Variants in EYS observed in about 807,000 individuals in gnomAD.
EYS encodes protein eyes shut homolog.
EYS carries 250 observed loss-of-function variants against 282.1 expected under a neutral mutation model. The observed-to-expected ratio is 0.89, with a 90% CI of 0.80 to 0.98. EYS has a LOEUF of 0.98. EYS is among the 50% of genes least tolerant of loss of function. The probability of loss-of-function intolerance (pLI) is 0.00; values close to 1 mark genes in which losing one functional copy is unlikely to be tolerated. For missense variants in EYS, 4,016 were observed against 3,709.0 expected (o/e 1.08, Z -2.15); for synonymous variants, 1,355 against 1,282.9 (o/e 1.06, Z -1.20).
chr6:65,164,012 T>C (rs1561998775), intron 12 of EYS, among the ~76,000 whole-genome samples: 1 of 151,226 alleles, frequency 6.6e-6, no homozygotes, highest in East Asian at 2.0e-4. Context: ...CCCATATTAT[T>C]ATAATACAGA....
At chr6:65,301,809 G>A (rs555077089) in intron 11 of EYS, among the ~76,000 whole-genome samples, 128 of 152,288 alleles carry the variant, frequency 8.4e-4, no homozygotes, top group African/African-American at 2.9e-3. Flanking sequence ...ATTCCTGTGG[G>A]GAAGGCCTAT....
intron 31 of EYS, among the ~76,000 whole-genome samples, chr6:64,120,357 TAAAAAAAAAAAAA>T (rs34632243): frequency 2.6e-5 from 2 of 76,774 alleles, no homozygotes; most frequent in Non-Finnish European, 2.3e-5. Flanking sequence ...CTCCATCTCT[TAAAAAAAAAAAAA>T]AAAAAAAAAA....
intron 1 of EYS, among the ~76,000 whole-genome samples, chr6:65,699,986 G>A (rs1769604708): frequency 6.6e-6 from 1 of 151,404 alleles, no homozygotes; most frequent in Non-Finnish European, 1.5e-5. Flanking sequence ...GTGGTGGCGG[G>A]CGCCTGTAGT....
intron 14 of EYS, among the ~76,000 whole-genome samples, chr6:64,958,252 C>T (rs1339499297): frequency 6.6e-6 from 1 of 152,040 alleles, no homozygotes; most frequent in Non-Finnish European, 1.5e-5. Flanking sequence ...TGCGGTGGCT[C>T]AGGCCTCTAA....
intron 12 of EYS, among the ~76,000 whole-genome samples, chr6:65,162,931 G>GTC (rs1764886055): frequency 6.6e-6 from 1 of 150,944 alleles, no homozygotes. Context: ...GTGTGTGTGT[G>GTC]TGTGTCTGTG....
chr6:64,438,446 T>C (rs1441262572), intron 27 of EYS, among the ~76,000 whole-genome samples: 1 of 151,710 alleles, frequency 6.6e-6, no homozygotes. Flanking sequence ...TAAAAGTGAA[T>C]AAGGCAAATA....
chr6:63,971,241 G>T (rs946633408), intron 35 of EYS, among the ~76,000 whole-genome samples: 1 of 152,184 alleles, frequency 6.6e-6, no homozygotes, highest in African/African-American at 2.4e-5. Context: ...TGATTTACCT[G>T]TCAGTGTGAT....
chr6:64,562,001 C>T (rs1765410689), intron 26 of EYS, among the ~76,000 whole-genome samples: 1 of 149,196 alleles, frequency 6.7e-6, no homozygotes, highest in South Asian at 2.1e-4. Context: ...CTTTATACTA[C>T]AAGGCAACAG....
chr6:65,191,481 G>A (rs1053804253), intron 12 of EYS, among the ~76,000 whole-genome samples: 4 of 151,686 alleles, frequency 2.6e-5, no homozygotes, highest in African/African-American at 7.3e-5. Context: ...AAAGAACTCA[G>A]AAAAATATGC....
intron 12 of EYS, among the ~76,000 whole-genome samples, chr6:65,143,315 C>A (rs868780728): frequency 2.0e-5 from 3 of 150,958 alleles, no homozygotes; most frequent in African/African-American, 7.3e-5. Flanking sequence ...ATGTAAAATT[C>A]TATACCAAAC....
rs1400145975 is a variant in EYS, at chr6:64,177,170, C to T, written c.6424+53422G>A. Among the ~76,000 whole-genome samples, 3 of 151,658 alleles carry T rather than the reference C, an allele frequency of 2.0e-5. No homozygotes were observed. The East Asian group carries it at 5.8e-4, about 29-fold the overall frequency. Reference sequence around the variant, plus strand: ...CATAATTATCAAAGTTACTCTATAACAACTATAATTAATACATATATGACA... The same window carrying T: ...CATAATTATCAAAGTTACTCTATAATAACTATAATTAATACATATATGACA... On this transcript the variant is annotated intron_variant, in intron 31 of 42. Transcript: ENST00000503581.
At chr6:65,459,673 A>AT (rs1764746399) in intron 5 of EYS, among the ~76,000 whole-genome samples, 1 of 151,640 alleles carries the variant, frequency 6.6e-6, no homozygotes, top group Admixed American at 6.6e-5. Context: ...GAATGAATGG[A>AT]TAAAAAAGAG....
At chr6:64,894,322 A>T (rs1478455969) in intron 18 of EYS, among the ~76,000 whole-genome samples, 1 of 152,130 alleles carries the variant, frequency 6.6e-6, no homozygotes, top group Non-Finnish European at 1.5e-5. Flanking sequence ...AGACTATTGG[A>T]TATGCTTGAC....
intron 15 of EYS, among the ~76,000 whole-genome samples, chr6:64,928,481 A>C (rs1295526718): frequency 6.6e-6 from 1 of 152,126 alleles, no homozygotes; most frequent in East Asian, 1.9e-4. Context: ...TGCAACATTG[A>C]ATCTGAAACA....
chr6:64,029,398 C>T (rs984550600), intron 33 of EYS, among the ~76,000 whole-genome samples: 3 of 152,222 alleles, frequency 2.0e-5, no homozygotes, highest in Non-Finnish European at 2.9e-5. Flanking sequence ...AAAGATCTCA[C>T]TGTCTGGACT....
intron 29 of EYS, among the ~76,000 whole-genome samples, chr6:64,334,432 A>C (rs531130616): frequency 6.6e-6 from 1 of 152,314 alleles, no homozygotes; most frequent in South Asian, 2.1e-4. Context: ...TGTGGAAAAA[A>C]TAAATACTAA....
intron 2 of EYS, among the ~76,000 whole-genome samples, chr6:65,549,474 G>T (rs1385495133): frequency 6.6e-6 from 1 of 152,058 alleles, no homozygotes; most frequent in Non-Finnish European, 1.5e-5. Flanking sequence ...CTACACCTCT[G>T]CTCATTACTG....
intron 19 of EYS, among the ~76,000 whole-genome samples, chr6:64,832,307 C>T (rs542403742): frequency 6.6e-6 from 1 of 151,714 alleles, no homozygotes; most frequent in African/African-American, 2.4e-5. Context: ...GAAAATAGCT[C>T]ATTATTTAAA....
chr6:64,648,456 T>C (rs530571292), intron 22 of EYS, among the ~76,000 whole-genome samples: 203 of 152,352 alleles, frequency 1.3e-3, no homozygotes, highest in African/African-American at 4.5e-3. Flanking sequence ...GTCATAGACA[T>C]AACTTCTTGG....
Sources: allele counts gnomAD v4.1 joint callset (sites outside exome capture counted in the v4.1 genomes callset), GRCh38; gene constraint gnomAD v4.1.1; transcripts MANE v1.5; gene names NCBI Gene and HGNC (gene_info 2026-07-23, HGNC 2026-07-21).